CASR: variants seen among roughly 807,000 people sequenced by gnomAD.
CASR encodes the protein extracellular calcium-sensing receptor.
A neutral mutation model predicts 69.1 loss-of-function variants in CASR; 23 were observed. The observed-to-expected ratio is 0.33, with a 90% CI of 0.24 to 0.47. The LOEUF is 0.47. Among genes scored for constraint, CASR ranks in the 20% least tolerant of loss-of-function variants. The pLI, the probability that CASR is intolerant of heterozygous loss-of-function variation, is 1.00. For missense variants in CASR, 924 were observed against 1,356.1 expected, an observed-to-expected ratio of 0.68 and a Z score of 5.00; for synonymous variants, 541 against 544.7, an observed-to-expected ratio of 0.99 and a Z score of 0.10.
rs556632188 is a variant in CASR at position 122,244,297 on chromosome 3, AT to A, written c.-242-9650del. Among the ~76,000 whole-genome samples the A allele has an allele frequency of 2.3e-3, 348 of 152,158 alleles. 2 individuals are homozygous for A. Among genetic ancestry groups the A allele is most frequent in the African/African-American group, 7.8e-3 (324 of 41,556 alleles). The stretch of plus-strand genomic sequence containing the variant: ...TCAAAATATCTCAGGTACCCCAGAA[AT>A]ATATATACCTGCTGTGTACCCACAA... On this transcript the variant is annotated intron_variant, in intron 1 of 6. Transcript: ENST00000639785.
chr3:122,281,474 T>C (rs1168631662), intron 5 of CASR, among the ~76,000 whole-genome samples: 1 of 152,256 alleles, frequency 6.6e-6, no homozygotes, highest in Non-Finnish European at 1.5e-5. Context: ...ATACTTTTAA[T>C]GTTTTCTCTA....
intron 1 of CASR, among the ~76,000 whole-genome samples, chr3:122,243,813 G>T (rs2074401633): frequency 6.6e-6 from 1 of 151,544 alleles, no homozygotes; most frequent in African/African-American, 2.4e-5. Context: ...CAAAAAATGT[G>T]TTACATAAAC....
intron 1 of CASR, among the ~76,000 whole-genome samples, chr3:122,222,982 T>C (rs1429402459): frequency 6.6e-6 from 1 of 151,990 alleles, no homozygotes; most frequent in Non-Finnish European, 1.5e-5. Flanking sequence ...GAGTAAACAA[T>C]GAAATTAAGG....
chr3:122,208,957 G>C (rs1417470247), intron 1 of CASR, among the ~76,000 whole-genome samples: 1 of 152,146 alleles, frequency 6.6e-6, no homozygotes, highest in African/African-American at 2.4e-5. Flanking sequence ...TTCGACATTG[G>C]GGCTTGGGGA....
At chr3:122,192,765 C>T (rs995338054) in intron 1 of CASR, among the ~76,000 whole-genome samples, 5 of 152,066 alleles carry the variant, frequency 3.3e-5, no homozygotes, top group African/African-American at 7.2e-5. Context: ...TCTGATTAAG[C>T]GGGTCTGGAG....
chr3:122,235,736 G>A (rs548389191), intron 1 of CASR, among the ~76,000 whole-genome samples: 3 of 152,200 alleles, frequency 2.0e-5, no homozygotes, highest in South Asian at 2.1e-4. Flanking sequence ...TCTAGACTGC[G>A]GTGAGCTATG....
At chr3:122,244,144 A>G (rs530451298) in intron 1 of CASR, among the ~76,000 whole-genome samples, 1 of 152,274 alleles carries the variant, frequency 6.6e-6, no homozygotes, top group East Asian at 1.9e-4. Flanking sequence ...AGTCAATAAT[A>G]ATTTAATTAT....
chr3:122,189,449 A>T (rs933507946), intron 1 of CASR, among the ~76,000 whole-genome samples: 1 of 152,192 alleles, frequency 6.6e-6, no homozygotes, highest in African/African-American at 2.4e-5. Flanking sequence ...TGGGTTAAGT[A>T]ACCTGAATTA....
intron 1 of CASR, among the ~76,000 whole-genome samples, chr3:122,186,298 C>A (rs1576809305): frequency 6.6e-6 from 1 of 152,120 alleles, no homozygotes; most frequent in East Asian, 1.9e-4. Context: ...GAAGCTGCCA[C>A]TTCTAAGACT....
Position 122,254,162 on chromosome 3 carries a change from T to A in CASR, c.-28T>A, listed in dbSNP as rs767054957. On this transcript the variant is annotated 5_prime_UTR_variant, in exon 2 of 7. Transcript: ENST00000639785. ...AGCCTCCAAACTCCTAGCTGTCTCATCCCTTGCCCTGGAGAGACGGCAGAA... is the reference window on the plus strand; with the variant it reads ...AGCCTCCAAACTCCTAGCTGTCTCAACCCTTGCCCTGGAGAGACGGCAGAA... 2 of 1,611,352 alleles carry A rather than the reference T, an allele frequency of 1.2e-6. No individual in the cohort carries two copies. The highest frequency in any genetic ancestry group is 2.2e-5 in the South Asian group (2 of 90,982).
chr3:122,259,831 G>A (rs1346044156), intron 3 of CASR, among the ~76,000 whole-genome samples: 13 of 152,058 alleles, frequency 8.5e-5, no homozygotes, highest in South Asian at 2.1e-4. Flanking sequence ...GGGTTTCACC[G>A]TGTTAGCCAG....
chr3:122,252,224 G>A (rs893677486), intron 1 of CASR, among the ~76,000 whole-genome samples: 2 of 150,882 alleles, frequency 1.3e-5, no homozygotes, highest in African/African-American at 2.4e-5. Flanking sequence ...GCTTGAGTCT[G>A]GGAGGTTGAG....
At chr3:122,212,412 T>C (rs1389242339) in intron 1 of CASR, among the ~76,000 whole-genome samples, 2 of 152,006 alleles carry the variant, frequency 1.3e-5, no homozygotes, top group Admixed American at 6.6e-5. Context: ...CTGTGGAAGT[T>C]GGGGTCAGGG....
intron 4 of CASR, among the ~76,000 whole-genome samples, chr3:122,264,466 G>A (rs1255483231): frequency 2.0e-5 from 3 of 152,208 alleles, no homozygotes; most frequent in Non-Finnish European, 2.9e-5. Context: ...AGTAAGGGGG[G>A]AGTGAATCTC....
rs1553765922 is a variant in CASR at position 122,254,344 on chromosome 3, A to G, written c.155A>G (p.Lys52Arg). The change falls in exon 2 of 7, where the codon AAA (lysine) becomes AGA (arginine). Residue 52 changes from lysine (K) to arginine (R), a missense_variant. By Grantham distance (26) the Lys-to-Arg change is conservative. Transcript: ENST00000639785. ...FGVAAKDQDLKSRPESVECIR... is the reference protein window; with the variant it reads ...FGVAAKDQDLRSRPESVECIR... ...GTAGCAGCTAAAGATCAAGATCTCA[A>G]ATCAAGGCCGGAGTCTGTGGAATGT... The G allele has an allele frequency of 6.2e-7, 1 of 1,614,136 alleles. No homozygotes were observed. Among genetic ancestry groups the G allele is most frequent in the Non-Finnish European group, 8.5e-7 (1 of 1,180,012 alleles).
intron 1 of CASR, among the ~76,000 whole-genome samples, chr3:122,201,652 CGGGG>C (rs1559935897): frequency 4.8e-5 from 4 of 83,148 alleles, no homozygotes; most frequent in Non-Finnish European, 1.3e-4. Flanking sequence ...CCCTCCCGGA[CGGGG>C]CGGCTGGCCA....
intron 4 of CASR, among the ~76,000 whole-genome samples, chr3:122,262,865 T>C (rs556621977): frequency 6.6e-6 from 1 of 152,308 alleles, no homozygotes; most frequent in South Asian, 2.1e-4. Flanking sequence ...TGACAGCCTA[T>C]ACCAAGCCAC....
intron 1 of CASR, among the ~76,000 whole-genome samples, chr3:122,230,465 G>A (rs1343636801): frequency 1.3e-5 from 2 of 152,206 alleles, no homozygotes; most frequent in African/African-American, 4.8e-5. Flanking sequence ...CGGGGGCGGG[G>A]ATGCTGCTGA....
At position 122,262,444 on chromosome 3, in the gene CASR, T is replaced by C. The variant is rs746665452; in HGVS notation, c.1377+32T>C. Reference sequence around the variant, plus strand: ...CCTTCACTTATATAGCAATTTGCTGTATAATAAAGCAGAGTTGGGCTGCAA... The same window carrying C: ...CCTTCACTTATATAGCAATTTGCTGCATAATAAAGCAGAGTTGGGCTGCAA... On this transcript the variant is annotated intron_variant, in intron 4 of 6. Transcript: ENST00000639785. The C allele has an allele frequency of 1.1e-5, 17 of 1,600,038 alleles. No individual in the cohort carries two copies. In the South Asian group the frequency reaches 1.6e-4, roughly 16 times the overall value.
Sources: gnomAD v4.1 joint callset for allele counts (sites outside exome capture counted in the v4.1 genomes callset) on GRCh38, gnomAD v4.1.1 for gene constraint, MANE v1.5 for transcripts, NCBI Gene and HGNC (gene_info 2026-07-23, HGNC 2026-07-21) for gene names.